The following LARP1 variants were observed in gnomAD, a reference collection of about 807,000 sequenced individuals.
LARP1 encodes the protein la-related protein 1.
Under a neutral mutation model 122.7 loss-of-function variants are expected in LARP1, and 36 were observed. The observed-to-expected ratio is 0.29, with a 90% CI of 0.22 to 0.39. The LOEUF is 0.39. LARP1 is among the 10% of genes least tolerant of loss of function. The pLI, the probability that LARP1 is intolerant of heterozygous loss-of-function variation, is 1.00. For missense variants in LARP1, 1,040 were observed against 1,403.6 expected (o/e 0.74, Z 4.14); for synonymous variants, 539 against 528.7 (o/e 1.02, Z -0.27).
intron 1 of LARP1, among the ~76,000 whole-genome samples, chr5:154,692,991 A>ATT (rs1554078476): frequency 7.6e-6 from 1 of 131,404 alleles, no homozygotes; most frequent in Non-Finnish European, 1.6e-5. Flanking sequence ...ATTTTTAATT[A>ATT]TTTTTTTTTT....
intron 10 of LARP1, among the ~76,000 whole-genome samples, chr5:154,801,771 T>C (rs1298662001): frequency 6.6e-6 from 1 of 152,200 alleles, no homozygotes; most frequent in African/African-American, 2.4e-5. Context: ...ATCAGTTGTT[T>C]GTGCATGACT....
chr5:154,724,226 C>T (rs763988612), intron 1 of LARP1, among the ~76,000 whole-genome samples: 2 of 152,250 alleles, frequency 1.3e-5, no homozygotes, highest in South Asian at 2.1e-4. Flanking sequence ...GATCCAGTTA[C>T]TCTGCCAAGC....
chr5:154,781,604 A>G (rs895416500), intron 1 of LARP1, among the ~76,000 whole-genome samples: 3 of 148,336 alleles, frequency 2.0e-5, no homozygotes, highest in Non-Finnish European at 3.0e-5. Flanking sequence ...AAAAAAAAGG[A>G]AAAAAAAAAC....
intron 1 of LARP1, among the ~76,000 whole-genome samples, chr5:154,689,445 T>G: frequency 6.7e-6 from 1 of 148,428 alleles, no homozygotes; most frequent in East Asian, 2.0e-4. Flanking sequence ...TGTGAAACTC[T>G]GTCTCAAAAA....
At chr5:154,709,083 T>C (rs1755091289), upstream of LARP1, among the ~76,000 whole-genome samples, 1 of 152,252 alleles carries the variant, frequency 6.6e-6, no homozygotes, top group African/African-American at 2.4e-5. Context: ...CATCAATTTG[T>C]CCAGTTGTGG....
chr5:154,777,382 A>G (rs1755998752), intron 1 of LARP1, among the ~76,000 whole-genome samples: 2 of 151,610 alleles, frequency 1.3e-5, no homozygotes, highest in South Asian at 2.1e-4. Context: ...TTAGCTGGGC[A>G]TGGTGACGGA....
intron 1 of LARP1, among the ~76,000 whole-genome samples, chr5:154,767,287 G>A (rs1008383337): frequency 1.3e-5 from 2 of 152,226 alleles, no homozygotes; most frequent in African/African-American, 4.8e-5. Context: ...CTGGCACATA[G>A]TAATACGTGG....
chr5:154,800,064 G>T (rs1758218890), intron 10 of LARP1, 22 bp downstream of exon 10: 1 of 1,610,012 alleles, frequency 6.2e-7, no homozygotes, highest in Admixed American at 1.7e-5. Context: ...CTTGTCCCTT[G>T]CCTTGGTTCT....
At chr5:154,748,696 C>T (rs1234007863) in intron 1 of LARP1, among the ~76,000 whole-genome samples, 1 of 152,200 alleles carries the variant, frequency 6.6e-6, no homozygotes, top group Non-Finnish European at 1.5e-5. Flanking sequence ...CTATTATATA[C>T]ATCTCACTTA....
At chr5:154,736,679 C>T (rs948044603) in intron 1 of LARP1, among the ~76,000 whole-genome samples, 2 of 151,624 alleles carry the variant, frequency 1.3e-5, no homozygotes, top group Admixed American at 1.3e-4. Flanking sequence ...GATTTTTCTC[C>T]CTTAGACTGC....
chr5:154,714,995 T>C (rs920227400), intron 1 of LARP1, among the ~76,000 whole-genome samples: 2 of 151,862 alleles, frequency 1.3e-5, no homozygotes, highest in Non-Finnish European at 2.9e-5. Flanking sequence ...TTGGCCAACA[T>C]GGTGAAACTC....
intron 1 of LARP1, among the ~76,000 whole-genome samples, chr5:154,761,295 C>T (rs1754428921): frequency 6.6e-6 from 1 of 152,112 alleles, no homozygotes; most frequent in Non-Finnish European, 1.5e-5. Context: ...GTTTTTGGCC[C>T]TTTGGGAGGT....
At chr5:154,788,343 T>A (rs1757051503) in intron 1 of LARP1, among the ~76,000 whole-genome samples, 1 of 152,144 alleles carries the variant, frequency 6.6e-6, no homozygotes, top group African/African-American at 2.4e-5. Flanking sequence ...GTTCCACAGC[T>A]CCAGCTCTCA....
At chr5:154,731,640 C>T (rs542446279) in intron 1 of LARP1, among the ~76,000 whole-genome samples, 21 of 152,294 alleles carry the variant, frequency 1.4e-4, no homozygotes, top group Admixed American at 4.6e-4. Context: ...TTGCTGTCTC[C>T]ATTTTCTACT....
chr5:154,692,980 A>G lies in LARP1; in HGVS notation c.-180+9943A>G, dbSNP rs975325756. ...CGCACCACCATACCCAGCTAATTTT[A>G]ATTTTTAATTATTTTTTTTTTTTTT... On this transcript the variant is annotated intron_variant, in intron 1 of 18. Coordinates refer to the LARP1 transcript ENST00000687700. Among the ~76,000 whole-genome samples, 13 of 107,048 alleles carry G rather than the reference A, an allele frequency of 1.2e-4. No homozygotes were observed. The Admixed American group carries it at 1.3e-3, about 10-fold the overall frequency. The allele number at this position is 107,048 out of a possible 152,430, so 70.2% of individuals were successfully genotyped here. A position where few individuals can be genotyped will look rare whatever the true frequency, so the allele number is the denominator to read the frequency against.
intron 1 of LARP1, among the ~76,000 whole-genome samples, chr5:154,689,618 TAAAAAAA>T (rs61699481): frequency 2.3e-5 from 3 of 131,854 alleles, no homozygotes; most frequent in Non-Finnish European, 3.3e-5. Flanking sequence ...TGACTCCGTT[TAAAAAAA>T]AAAAAAAAAA....
chr5:154,759,795 T>TA (rs138875200), intron 1 of LARP1, among the ~76,000 whole-genome samples: 7,581 of 152,306 alleles, frequency 0.05, 324 homozygotes, highest in African/African-American at 0.12. Context: ...TCACTTTCAG[T>TA]ACAGTATTCA....
chr5:154,742,374 C>G (rs1194686844), intron 1 of LARP1, among the ~76,000 whole-genome samples: 2 of 152,096 alleles, frequency 1.3e-5, no homozygotes, highest in Non-Finnish European at 2.9e-5. Context: ...CCAGCCTGGC[C>G]AACATGGCGA....
chr5:154,704,269 T>G lies in LARP1; in HGVS notation c.-180+21232T>G, dbSNP rs573973003. ...ATGGGTATCCTAAGTCCGTTGACTG[T>G]GAGACTAAGCAATTTTCTTCATTTG... On this transcript the variant is annotated intron_variant, in intron 1 of 18. Transcript: ENST00000687700. Among the ~76,000 whole-genome samples the G allele has an allele frequency of 2.6e-5, 4 of 152,318 alleles. No individual in the cohort carries two copies. In the South Asian group the frequency reaches 8.3e-4, roughly 32 times the overall value.
Sources: allele counts gnomAD v4.1 joint callset (sites outside exome capture counted in the v4.1 genomes callset), GRCh38; gene constraint gnomAD v4.1.1; transcripts MANE v1.5; gene names NCBI Gene and HGNC (gene_info 2026-07-23, HGNC 2026-07-21).